Variants in AGMO observed in about 807,000 individuals in gnomAD.
The protein encoded by AGMO is glyceryl-ether monooxygenase.
Under a neutral mutation model 60.2 loss-of-function variants are expected in AGMO, and 75 were observed. The observed-to-expected ratio is 1.25, with a 90% CI of 1.03 to 1.51. The LOEUF is 1.51. Ranked by LOEUF, AGMO falls within the 40% of genes most tolerant of loss-of-function variation. AGMO has a pLI of 0.00. For missense variants in AGMO, 763 were observed against 525.5 expected, an observed-to-expected ratio of 1.45 and a Z score of -4.42; for synonymous variants, 261 against 177.1, an observed-to-expected ratio of 1.47 and a Z score of -3.76.
intron 12 of AGMO, among the ~76,000 whole-genome samples, chr7:15,275,752 A>AT (rs1462516242): frequency 6.6e-6 from 1 of 151,748 alleles, no homozygotes; most frequent in African/African-American, 2.4e-5. Flanking sequence ...GGATGGTGAT[A>AT]TCTTTTTGTG....
the AGMO span, among the ~76,000 whole-genome samples, chr7:15,135,823 CTTTT>C: frequency 1.3e-5 from 2 of 150,794 alleles, no homozygotes; most frequent in Non-Finnish European, 3.0e-5. Context: ...AAGATGAGGA[CTTTT>C]TTTTTCCTTT....
chr7:15,192,808 G>A, the AGMO span, among the ~76,000 whole-genome samples: 4 of 152,132 alleles, frequency 2.6e-5, no homozygotes, highest in East Asian at 7.7e-4. Flanking sequence ...TGAGCACCAG[G>A]AGCCAAGCAA....
rs113363143 is a variant in AGMO at position 15,376,194 on chromosome 7, T to TC, written c.1074+9251dup. 4.8e-3 allele frequency among the ~76,000 whole-genome samples: 732 copies of TC among 152,006 alleles called. 9 individuals carry two copies. The highest frequency in any genetic ancestry group is 0.016 in the African/African-American group (676 of 41,432). ...CATTTTGGCCCACATTCCTTTTTTT[T>TC]CCCCCACATTACGTAACTTAGTTAC... On this transcript the variant is annotated intron_variant, in intron 10 of 12. Coordinates refer to ENST00000342526, the MANE Select transcript of AGMO (RefSeq NM_001004320.2).
chr7:15,216,420 C>CA (rs1448076162), intron 12 of AGMO, among the ~76,000 whole-genome samples: 2 of 151,972 alleles, frequency 1.3e-5, no homozygotes, highest in Non-Finnish European at 2.9e-5. Context: ...ACTGTAGACA[C>CA]AAATGAACAT....
chr7:15,326,276 G>A (rs1339771252), intron 12 of AGMO, among the ~76,000 whole-genome samples: 1 of 152,088 alleles, frequency 6.6e-6, no homozygotes, highest in Non-Finnish European at 1.5e-5. Flanking sequence ...GTTTACATTT[G>A]GCTGTATTTG....
At chr7:15,368,583 G>A (rs950968004) in intron 10 of AGMO, among the ~76,000 whole-genome samples, 5 of 152,074 alleles carry the variant, frequency 3.3e-5, no homozygotes, top group Admixed American at 2.0e-4. Flanking sequence ...CGTTTGGCAA[G>A]GACTGTAATC....
chr7:15,199,442 C>T (rs1781217600), downstream of AGMO, among the ~76,000 whole-genome samples: 2 of 152,100 alleles, frequency 1.3e-5, no homozygotes, highest in African/African-American at 4.8e-5. Flanking sequence ...TAGGCTAATC[C>T]TATAAATTCA....
chr7:15,304,118 T>G lies in AGMO; in HGVS notation c.1263+61396A>C, dbSNP rs558292593. Among the ~76,000 whole-genome samples, 4 of 152,282 alleles carry G rather than the reference T, an allele frequency of 2.6e-5. No individual in the cohort carries two copies. In the South Asian group the frequency reaches 8.3e-4, roughly 32 times the overall value. ...GCAATGCTTGACGGCATCCTCTTAA[T>G]TTTTTATTCTATGAAATAAGTGGGC... On this transcript the variant is annotated intron_variant, in intron 12 of 12. Coordinates refer to ENST00000342526, the MANE Select transcript of AGMO (RefSeq NM_001004320.2).
intron 10 of AGMO, among the ~76,000 whole-genome samples, chr7:15,371,871 A>G (rs1413680497): frequency 6.6e-6 from 1 of 152,022 alleles, no homozygotes; most frequent in East Asian, 1.9e-4. Context: ...CAAACTTTAA[A>G]ATAAATTCAA....
Position 15,244,801 on chromosome 7 carries a change from G to A in AGMO, c.1264-43442C>T, listed in dbSNP as rs185761823. 6.9e-4 allele frequency among the ~76,000 whole-genome samples: 105 copies of A among 152,056 alleles called. No individual in the cohort carries two copies. The East Asian group carries it at 0.018, about 26-fold the overall frequency. ...CGAGTGGCTGGGACTACAGGTGCCCGCCACCATGCGTGGCTAATTTTTTTG... is the reference window on the plus strand; with the variant it reads ...CGAGTGGCTGGGACTACAGGTGCCCACCACCATGCGTGGCTAATTTTTTTG... On this transcript the variant is annotated intron_variant, in intron 12 of 12. Transcript: ENST00000342526.
At chr7:15,349,898 C>A (rs1782175007) in intron 12 of AGMO, among the ~76,000 whole-genome samples, 1 of 152,068 alleles carries the variant, frequency 6.6e-6, no homozygotes, top group African/African-American at 2.4e-5. Flanking sequence ...TTACTGGGTC[C>A]CCTCCTATGA....
chr7:15,369,814 T>C (rs1220865150), intron 10 of AGMO, among the ~76,000 whole-genome samples: 1 of 152,198 alleles, frequency 6.6e-6, no homozygotes, highest in Non-Finnish European at 1.5e-5. Context: ...GAAAGACTGA[T>C]AAAATGTTTA....
intron 12 of AGMO, among the ~76,000 whole-genome samples, chr7:15,305,215 A>G (rs1182129824): frequency 6.6e-6 from 1 of 150,866 alleles, no homozygotes; most frequent in Non-Finnish European, 1.5e-5. Context: ...GGCAAGGACA[A>G]GGCAACCTTG....
At chr7:15,151,232 A>C in the AGMO span, among the ~76,000 whole-genome samples, 4 of 152,070 alleles carry the variant, frequency 2.6e-5, no homozygotes, top group African/African-American at 7.2e-5. Flanking sequence ...TTATTAATCA[A>C]GCTAATGGGC....
At chr7:15,355,504 CAA>C (rs56695710) in intron 12 of AGMO, among the ~76,000 whole-genome samples, 13 of 81,736 alleles carry the variant, frequency 1.6e-4, no homozygotes, top group Admixed American at 1.6e-4. Context: ...GACTCTGTCT[CAA>C]AAAAAAAAAA....
chr7:15,432,343 TATAC>T (rs1228130018), intron 3 of AGMO, among the ~76,000 whole-genome samples: 1 of 91,250 alleles, frequency 1.1e-5, no homozygotes, highest in Non-Finnish European at 2.4e-5. Context: ...TATATATATA[TATAC>T]ATACATATAT....
chr7:15,399,272 C>T (rs1368248492), intron 5 of AGMO, among the ~76,000 whole-genome samples: 1 of 150,908 alleles, frequency 6.6e-6, no homozygotes, highest in Non-Finnish European at 1.5e-5. Flanking sequence ...AAATAAGCAC[C>T]TATGATATTT....
Position 15,390,839 on chromosome 7 carries a change from C to A in AGMO, c.742+1G>T. On this transcript the variant is annotated splice_donor_variant, in intron 7 of 12. Coordinates refer to ENST00000342526, the MANE Select transcript of AGMO (RefSeq NM_001004320.2). LOFTEE classifies it high-confidence loss of function. ...TTTTGATTTTAATACATTTTACTTA[C>A]CAAAAATTTTATCCCAAATAATAAG... 6.2e-7 allele frequency: 1 copy of A among 1,602,334 alleles called. No individual in the cohort carries two copies. The highest frequency in any genetic ancestry group is 8.5e-7 in the Non-Finnish European group (1 of 1,171,828).
intron 10 of AGMO, among the ~76,000 whole-genome samples, chr7:15,382,366 G>T (rs1022558371): frequency 6.6e-6 from 1 of 152,082 alleles, no homozygotes; most frequent in African/African-American, 2.4e-5. Context: ...CGGGGGAAGT[G>T]AGTACCACTG....
Sources: gnomAD v4.1 joint callset for allele counts (sites outside exome capture counted in the v4.1 genomes callset) on GRCh38, gnomAD v4.1.1 for gene constraint, MANE v1.5 for transcripts, NCBI Gene and HGNC (gene_info 2026-07-23, HGNC 2026-07-21) for gene names.